Variants in GRM3 observed in about 807,000 individuals in gnomAD.
GRM3 encodes the protein metabotropic glutamate receptor 3.
Under a neutral mutation model 70.5 loss-of-function variants are expected in GRM3, and 26 were observed. The observed-to-expected ratio is 0.37, with a 90% CI of 0.27 to 0.51. The LOEUF (loss-of-function observed/expected upper bound fraction) is 0.51. Among genes scored for constraint, GRM3 ranks in the 20% least tolerant of loss-of-function variants. The pLI is 0.93. For synonymous variants in GRM3, 443 were observed against 434.9 expected (o/e 1.02, Z -0.23); for missense variants, 859 against 1,123.8 (o/e 0.76, Z 3.37).
intron 5 of GRM3, among the ~76,000 whole-genome samples, chr7:86,856,669 G>A (rs1798855419): frequency 2.0e-5 from 3 of 152,004 alleles, no homozygotes; most frequent in Admixed American, 2.0e-4. Context: ...CTTTGTCATT[G>A]TCAATGGAAG....
chr7:86,853,737 A>G (rs1186496641), intron 5 of GRM3, among the ~76,000 whole-genome samples: 1 of 152,220 alleles, frequency 6.6e-6, no homozygotes, highest in South Asian at 2.1e-4. Context: ...CTATTCCTGC[A>G]TAACAAACTT....
chr7:86,677,394 G>A (rs376102117), intron 1 of GRM3, among the ~76,000 whole-genome samples: 1 of 151,896 alleles, frequency 6.6e-6, no homozygotes, highest in East Asian at 1.9e-4. Context: ...ATCATCTTCT[G>A]GAGACCTTCT....
At chr7:86,817,029 A>C (rs57514597) in intron 3 of GRM3, among the ~76,000 whole-genome samples, 1 of 151,884 alleles carries the variant, frequency 6.6e-6, no homozygotes, top group Non-Finnish European at 1.5e-5. Context: ...GAAACTGAAA[A>C]AAACAGTTGG....
intron 5 of GRM3, among the ~76,000 whole-genome samples, chr7:86,853,984 G>A (rs1798801147): frequency 6.6e-6 from 1 of 152,088 alleles, no homozygotes; most frequent in Non-Finnish European, 1.5e-5. Context: ...CATAAAAAAA[G>A]GAAGTAGAAA....
intron 1 of GRM3, among the ~76,000 whole-genome samples, chr7:86,731,420 TC>T (rs1183595014): frequency 6.6e-6 from 1 of 152,206 alleles, no homozygotes; most frequent in African/African-American, 2.4e-5. Flanking sequence ...TCTTTCCATG[TC>T]CCTGCAAAAC....
At chr7:86,665,781 C>G (rs2115869018) in intron 1 of GRM3, among the ~76,000 whole-genome samples, 1 of 152,024 alleles carries the variant, frequency 6.6e-6, no homozygotes, top group Non-Finnish European at 1.5e-5. Context: ...AGAAAATTTC[C>G]TGGCTTCTTT....
chr7:86,665,663 C>T (rs549495667), intron 1 of GRM3, among the ~76,000 whole-genome samples: 2 of 151,942 alleles, frequency 1.3e-5, no homozygotes, highest in African/African-American at 4.8e-5. Context: ...TCTCTATAAA[C>T]CATATGTTAT....
chr7:86,696,177 A>G (rs1405042250), intron 1 of GRM3, among the ~76,000 whole-genome samples: 1 of 152,164 alleles, frequency 6.6e-6, no homozygotes, highest in Non-Finnish European at 1.5e-5. Flanking sequence ...AAAGATGTTC[A>G]CCTCCAAATC....
chr7:86,780,691 A>G (rs1797029194), intron 2 of GRM3, among the ~76,000 whole-genome samples: 1 of 152,188 alleles, frequency 6.6e-6, no homozygotes, highest in South Asian at 2.1e-4. Context: ...TGACTCTGAT[A>G]TTTATAGCTT....
chr7:86,770,765 G>C (rs1407369016), intron 2 of GRM3, among the ~76,000 whole-genome samples: 1 of 152,124 alleles, frequency 6.6e-6, no homozygotes, highest in African/African-American at 2.4e-5. Flanking sequence ...GAACTTGGGA[G>C]TGTAATAGCC....
chr7:86,644,985 C>G, intron 1 of GRM3, 113 bp downstream of exon 1: 1 of 420,846 alleles, frequency 2.4e-6, no homozygotes, highest in East Asian at 7.1e-5. Flanking sequence ...GAGCATGGAC[C>G]AGTCCCTACA....
intron 1 of GRM3, among the ~76,000 whole-genome samples, chr7:86,645,980 TGGGCGGGGGGGTGG>T (rs1178423123): frequency 0.66 from 32,843 of 49,778 alleles, 9,901 homozygotes; most frequent in East Asian, 0.88. Flanking sequence ...TTCTTTGTGG[TGGGCGGGGGGGTGG>T]GGGTGGGGGG....
chr7:86,779,446 A>G (rs967171378), intron 2 of GRM3, among the ~76,000 whole-genome samples: 1 of 151,764 alleles, frequency 6.6e-6, no homozygotes, highest in African/African-American at 2.4e-5. Flanking sequence ...ACACAAACCC[A>G]TCATTATAAT....
chr7:86,864,189 C>G (rs537165093), intron 5 of GRM3, 93 bp from the exon 6 acceptor site: 342 of 740,830 alleles, frequency 4.6e-4, no homozygotes, highest in Non-Finnish European at 7.7e-4. Context: ...CACCCTTCCC[C>G]CCGAGTCCCC....
chr7:86,665,020 A>G (rs1470429948), intron 1 of GRM3, among the ~76,000 whole-genome samples: 1 of 152,076 alleles, frequency 6.6e-6, no homozygotes, highest in African/African-American at 2.4e-5. Flanking sequence ...TAGTCTTGCA[A>G]TACAATAATT....
chr7:86,747,897 G>T (rs1223047247), intron 1 of GRM3, among the ~76,000 whole-genome samples: 2 of 152,092 alleles, frequency 1.3e-5, no homozygotes, highest in Non-Finnish European at 2.9e-5. Context: ...TCTGTTAATT[G>T]TGATTTCACA....
In GRM3 at chr7:86,721,403, C is replaced by G. The variant is rs977632547; in HGVS notation, c.-140-43603C>G. Among the ~76,000 whole-genome samples, 3 of 151,986 alleles carry G rather than the reference C, an allele frequency of 2.0e-5. No homozygotes were observed. In the East Asian group the frequency reaches 5.8e-4, roughly 29 times the overall value. The stretch of plus-strand genomic sequence containing the variant: ...CCTGGAAATTTTTACCCTTCCCTGA[C>G]ACAAATAAAAAAGAAATCTCATCAA... On this transcript the variant is annotated intron_variant, in intron 1 of 5. Coordinates refer to ENST00000361669, the MANE Select transcript of GRM3 (RefSeq NM_000840.3).
intron 1 of GRM3, among the ~76,000 whole-genome samples, chr7:86,761,845 G>A (rs1450025225): frequency 1.3e-5 from 2 of 152,126 alleles, no homozygotes; most frequent in African/African-American, 4.8e-5. Flanking sequence ...ATTTCTTTCA[G>A]CGTAATGCTG....
chr7:86,700,997 T>A (rs970303377), intron 1 of GRM3, among the ~76,000 whole-genome samples: 1 of 151,932 alleles, frequency 6.6e-6, no homozygotes, highest in Non-Finnish European at 1.5e-5. Flanking sequence ...CACTTTTAAT[T>A]TTTCATAATC....
Sources: allele counts gnomAD v4.1 joint callset (sites outside exome capture counted in the v4.1 genomes callset), GRCh38; gene constraint gnomAD v4.1.1; transcripts MANE v1.5; gene names NCBI Gene and HGNC (gene_info 2026-07-23, HGNC 2026-07-21).